Variants in ADAMTSL1 observed in about 807,000 individuals in gnomAD.
ADAMTSL1 encodes ADAMTS-like protein 1.
ADAMTSL1 carries 126 observed loss-of-function variants against 201.8 expected under a neutral mutation model. The ratio of observed to expected loss-of-function variants is 0.62; its 90% confidence interval spans 0.54 to 0.72. The LOEUF is 0.72. Among genes scored for constraint, ADAMTSL1 ranks in the 30% least tolerant of loss-of-function variants. The pLI, the probability that ADAMTSL1 is intolerant of heterozygous loss-of-function variation, is 0.00. For synonymous variants in ADAMTSL1, 1,121 were observed against 903.4 expected (o/e 1.24, Z -4.32); for missense variants, 2,679 against 2,277.8 (o/e 1.18, Z -3.59).
At chr9:18,174,909 TTG>T (rs1828070064) in intron 2 of ADAMTSL1, among the ~76,000 whole-genome samples, 1 of 152,322 alleles carries the variant, frequency 6.6e-6, no homozygotes, top group South Asian at 2.1e-4. Flanking sequence ...ATTTAGTTTC[TTG>T]TGTGTGTTAT....
At chr9:18,032,023 CCTT>C (rs1460472795) in intron 1 of ADAMTSL1, among the ~76,000 whole-genome samples, 1 of 152,184 alleles carries the variant, frequency 6.6e-6, no homozygotes. Context: ...GACTGGGTCT[CCTT>C]CTAGTGTCTT....
intron 1 of ADAMTSL1, among the ~76,000 whole-genome samples, chr9:18,480,546 A>T (rs1821671785): frequency 6.6e-6 from 1 of 152,230 alleles, no homozygotes; most frequent in South Asian, 2.1e-4. Context: ...AACCATGAGC[A>T]AGAAACAAAC....
intron 2 of ADAMTSL1, among the ~76,000 whole-genome samples, chr9:18,394,413 GAT>G (rs1260381930): frequency 7.9e-5 from 12 of 152,254 alleles, no homozygotes; most frequent in African/African-American, 2.9e-4. Context: ...TTGTTGAATG[GAT>G]ATGATATTCC....
intron 15 of ADAMTSL1, among the ~76,000 whole-genome samples, chr9:18,747,614 T>C (rs190248776): frequency 6.6e-6 from 1 of 152,236 alleles, no homozygotes; most frequent in East Asian, 1.9e-4. Flanking sequence ...CAGGAAGCTG[T>C]GGACAGGAAT....
intron 2 of ADAMTSL1, among the ~76,000 whole-genome samples, chr9:18,437,344 C>T (rs1819784250): frequency 6.6e-6 from 1 of 152,124 alleles, no homozygotes; most frequent in African/African-American, 2.4e-5. Context: ...TCCCTTTGCT[C>T]CATCCCCAGT....
At chr9:18,807,821 T>C (rs1482294384) in intron 20 of ADAMTSL1, among the ~76,000 whole-genome samples, 3 of 152,164 alleles carry the variant, frequency 2.0e-5, no homozygotes, top group African/African-American at 7.2e-5. Flanking sequence ...TTAACACAAA[T>C]GTATAATTTA....
chr9:18,852,289 C>T (rs555164993), intron 23 of ADAMTSL1, among the ~76,000 whole-genome samples: 1 of 152,314 alleles, frequency 6.6e-6, no homozygotes, highest in Non-Finnish European at 1.5e-5. Context: ...CTGCATATAC[C>T]TCCAGGGTTT....
chr9:18,526,553 G>A (rs1421627677), intron 2 of ADAMTSL1, among the ~76,000 whole-genome samples: 2 of 152,152 alleles, frequency 1.3e-5, no homozygotes, highest in African/African-American at 4.8e-5. Context: ...TTACAATTTG[G>A]CATGTTTTTG....
At chr9:18,142,953 G>A (rs943996116) in intron 1 of ADAMTSL1, among the ~76,000 whole-genome samples, 1 of 152,196 alleles carries the variant, frequency 6.6e-6, no homozygotes, top group African/African-American at 2.4e-5. Flanking sequence ...TGGTTTTGAA[G>A]ATGAACTAGT....
At chr9:18,667,569 T>G (rs1829528704) in intron 9 of ADAMTSL1, among the ~76,000 whole-genome samples, 1 of 152,134 alleles carries the variant, frequency 6.6e-6, no homozygotes, top group South Asian at 2.1e-4. Context: ...ATAACAATAC[T>G]TACCTCATAA....
intron 2 of ADAMTSL1, among the ~76,000 whole-genome samples, chr9:18,296,918 A>G (rs1226895635): frequency 6.6e-6 from 1 of 152,226 alleles, no homozygotes; most frequent in African/African-American, 2.4e-5. Context: ...GGCTTAAACA[A>G]TAGTTGCTGG....
chr9:18,469,073 A>C (rs1477830799), intron 2 of ADAMTSL1, among the ~76,000 whole-genome samples: 1 of 152,154 alleles, frequency 6.6e-6, no homozygotes, highest in African/African-American at 2.4e-5. Context: ...CTCTCTGCTT[A>C]CTCTGTTCTC....
intron 2 of ADAMTSL1, among the ~76,000 whole-genome samples, chr9:18,420,566 G>C (rs1818898192): frequency 6.6e-6 from 1 of 152,198 alleles, no homozygotes; most frequent in African/African-American, 2.4e-5. Context: ...TGAGGAACTA[G>C]GGTGGCATGG....
intron 1 of ADAMTSL1, among the ~76,000 whole-genome samples, chr9:18,050,219 G>T (rs1178023432): frequency 6.6e-6 from 1 of 152,020 alleles, no homozygotes; most frequent in Admixed American, 6.6e-5. Context: ...TAAAAATTTG[G>T]TATCTTAAGA....
chr9:17,938,783 A>G (rs370840962), intron 1 of ADAMTSL1, among the ~76,000 whole-genome samples: 19 of 152,062 alleles, frequency 1.2e-4, no homozygotes, highest in African/African-American at 3.9e-4. Context: ...CCAAGAGCAC[A>G]TTTTTCCTAA....
At chr9:17,960,560 T>G (rs531820356) in intron 1 of ADAMTSL1, among the ~76,000 whole-genome samples, 46 of 152,316 alleles carry the variant, frequency 3.0e-4, no homozygotes, top group African/African-American at 1.1e-3. Context: ...TAGTCATCAT[T>G]CATTGTATAA....
intron 1 of ADAMTSL1, among the ~76,000 whole-genome samples, chr9:18,042,757 C>T (rs1821482316): frequency 6.6e-6 from 1 of 152,252 alleles, no homozygotes; most frequent in Non-Finnish European, 1.5e-5. Context: ...AACTTCTACT[C>T]TGTAGTCTAA....
intron 1 of ADAMTSL1, among the ~76,000 whole-genome samples, chr9:18,088,888 T>G (rs1163236233): frequency 1.3e-5 from 2 of 152,176 alleles, no homozygotes; most frequent in Admixed American, 1.3e-4. Flanking sequence ...TTCTGGGTAT[T>G]TATCTGAAAG....
intron 2 of ADAMTSL1, among the ~76,000 whole-genome samples, chr9:18,387,468 C>T (rs1837849878): frequency 6.6e-6 from 1 of 152,070 alleles, no homozygotes; most frequent in African/African-American, 2.4e-5. Flanking sequence ...TCATTATTCT[C>T]ACGTGCATTT....
Sources: allele counts gnomAD v4.1 joint callset (sites outside exome capture counted in the v4.1 genomes callset), GRCh38; gene constraint gnomAD v4.1.1; transcripts MANE v1.5; gene names NCBI Gene and HGNC (gene_info 2026-07-23, HGNC 2026-07-21).